MAGI2: variants seen among roughly 807,000 people sequenced by gnomAD.
MAGI2 encodes the protein membrane associated guanylate kinase, WW and PDZ domain containing 2.
MAGI2 carries 35 observed loss-of-function variants against 133.3 expected under a neutral mutation model. The observed-to-expected ratio is 0.26, with a 90% CI of 0.20 to 0.35. The LOEUF (loss-of-function observed/expected upper bound fraction) is 0.35. Ranked by LOEUF, MAGI2 falls within the 10% of genes least tolerant of loss-of-function variation. The pLI is 1.00. For missense variants in MAGI2, 1,636 were observed against 1,863.4 expected (o/e 0.88, Z 2.25); for synonymous variants, 729 against 710.6 (o/e 1.03, Z -0.41).
At chr7:79,444,830 G>C (rs1360154833) in intron 1 of MAGI2, among the ~76,000 whole-genome samples, 2 of 152,038 alleles carry the variant, frequency 1.3e-5, no homozygotes, top group East Asian at 3.8e-4. Context: ...AGTTCATATG[G>C]AACCAAAAAA....
At chr7:78,879,569 G>GA (rs1023640001) in intron 2 of MAGI2, among the ~76,000 whole-genome samples, 4 of 151,786 alleles carry the variant, frequency 2.6e-5, no homozygotes, top group African/African-American at 9.7e-5. Context: ...TAATGGGAAA[G>GA]AAAAAAAGTA....
chr7:78,337,891 ACCAT>A lies in MAGI2; in HGVS notation c.1408+5883_1408+5886del, dbSNP rs112967411. Among the ~76,000 whole-genome samples the A allele has an allele frequency of 1.3e-3, 197 of 150,098 alleles. 1 individual carries two copies. The highest frequency in any genetic ancestry group is 3.4e-3 in the Middle Eastern group (1 of 290). On this transcript the variant is annotated intron_variant, in intron 9 of 21. Coordinates refer to ENST00000354212, the MANE Select transcript of MAGI2 (RefSeq NM_012301.4). The stretch of plus-strand genomic sequence containing the variant: ...CATTTATAAAAGCATCCATCCAATC[ACCAT>A]CCATCCATCCATCCATCCATCCATC...
intron 2 of MAGI2, among the ~76,000 whole-genome samples, chr7:79,004,499 T>C (rs1807234678): frequency 6.6e-6 from 1 of 152,136 alleles, no homozygotes; most frequent in African/African-American, 2.4e-5. Context: ...GGTACAAATA[T>C]ACAGTTAGAT....
chr7:78,605,028 C>G (rs1805650443), intron 3 of MAGI2, among the ~76,000 whole-genome samples: 1 of 152,138 alleles, frequency 6.6e-6, no homozygotes, highest in Non-Finnish European at 1.5e-5. Flanking sequence ...GCCATGGCTC[C>G]ATGGACTTTG....
At chr7:78,224,060 T>G (rs1442642758) in intron 10 of MAGI2, among the ~76,000 whole-genome samples, 1 of 152,146 alleles carries the variant, frequency 6.6e-6, no homozygotes, top group Non-Finnish European at 1.5e-5. Context: ...AGGCAAATGT[T>G]AGGGTAACGC....
intron 1 of MAGI2, among the ~76,000 whole-genome samples, chr7:79,177,383 T>A (rs1019518022): frequency 1.3e-5 from 2 of 152,078 alleles, no homozygotes; most frequent in African/African-American, 4.8e-5. Flanking sequence ...TTTTATCATT[T>A]TATGTATATT....
chr7:78,426,821 C>T (rs1799326072), intron 6 of MAGI2, among the ~76,000 whole-genome samples: 1 of 151,996 alleles, frequency 6.6e-6, no homozygotes, highest in South Asian at 2.1e-4. Flanking sequence ...CTAACCTAGG[C>T]ACATGATGAT....
At chr7:79,331,672 T>C (rs1052250671) in intron 1 of MAGI2, among the ~76,000 whole-genome samples, 5 of 152,168 alleles carry the variant, frequency 3.3e-5, no homozygotes, top group African/African-American at 7.2e-5. Context: ...GATCTTTTGA[T>C]TTTGCCATTT....
intron 9 of MAGI2, among the ~76,000 whole-genome samples, chr7:78,259,499 A>G (rs906111957): frequency 1.3e-5 from 2 of 152,210 alleles, no homozygotes; most frequent in African/African-American, 4.8e-5. Flanking sequence ...GTAAATTGTT[A>G]TGCAAAAGAT....
chr7:78,912,537 G>C (rs1376248476), intron 2 of MAGI2, among the ~76,000 whole-genome samples: 4 of 151,926 alleles, frequency 2.6e-5, no homozygotes, highest in African/African-American at 9.7e-5. Flanking sequence ...AATGTGAAAA[G>C]AGAGATTGGC....
intron 7 of MAGI2, among the ~76,000 whole-genome samples, chr7:78,352,483 A>C (rs996633269): frequency 6.6e-6 from 1 of 152,220 alleles, no homozygotes; most frequent in African/African-American, 2.4e-5. Flanking sequence ...CTAACACTTA[A>C]GTGATAATTT....
At chr7:79,349,775 T>C (rs1395770531) in intron 1 of MAGI2, among the ~76,000 whole-genome samples, 2 of 152,074 alleles carry the variant, frequency 1.3e-5, no homozygotes, top group Non-Finnish European at 2.9e-5. Context: ...TTTTTCCCCA[T>C]TGGTTCTCAG....
intron 2 of MAGI2, among the ~76,000 whole-genome samples, chr7:78,674,233 ATTT>A (rs35089095): frequency 6.8e-6 from 1 of 147,806 alleles, no homozygotes. Context: ...ATAGCAAAGC[ATTT>A]TTTTTTTTTT....
At chr7:79,111,780 C>T (rs1207076512) in intron 1 of MAGI2, among the ~76,000 whole-genome samples, 3 of 152,102 alleles carry the variant, frequency 2.0e-5, no homozygotes, top group Non-Finnish European at 4.4e-5. Flanking sequence ...CATTCTCCTG[C>T]CTCAGCCTCC....
chr7:78,058,003 A>ATATATATATGTGTGTGTGTGTG, intron 21 of MAGI2, among the ~76,000 whole-genome samples: 1 of 117,060 alleles, frequency 8.5e-6, no homozygotes, highest in African/African-American at 3.3e-5. Context: ...ATATATATAT[A>ATATATATATGTGTGTGTGTGTG]TGTATGAGAA....
intron 2 of MAGI2, among the ~76,000 whole-genome samples, chr7:78,861,999 C>G (rs1373237493): frequency 6.6e-6 from 1 of 152,144 alleles, no homozygotes; most frequent in South Asian, 2.1e-4. Flanking sequence ...GTACAAATAA[C>G]AAAAATTCAG....
intron 10 of MAGI2, among the ~76,000 whole-genome samples, chr7:78,218,962 G>C (rs554412222): frequency 6.6e-6 from 1 of 152,108 alleles, no homozygotes; most frequent in Non-Finnish European, 1.5e-5. Flanking sequence ...TTCTGTCCTC[G>C]TCTACCTCCC....
chr7:79,196,505 A>C (rs2129551567), intron 1 of MAGI2, among the ~76,000 whole-genome samples: 1 of 152,036 alleles, frequency 6.6e-6, no homozygotes, highest in South Asian at 2.1e-4. Flanking sequence ...TCTTATGCAA[A>C]TTTAACTACT....
At chr7:78,212,866 G>T (rs562486967) in intron 10 of MAGI2, among the ~76,000 whole-genome samples, 6 of 152,198 alleles carry the variant, frequency 3.9e-5, no homozygotes, top group African/African-American at 9.6e-5. Context: ...ATTTTTAGAT[G>T]GGGTTTCACC....
Sources: allele counts gnomAD v4.1 joint callset (sites outside exome capture counted in the v4.1 genomes callset), GRCh38; gene constraint gnomAD v4.1.1; transcripts MANE v1.5; gene names NCBI Gene and HGNC (gene_info 2026-07-23, HGNC 2026-07-21).